Variants in EPHB1 observed in about 807,000 individuals in gnomAD.
EPHB1 encodes the protein ephrin type-B receptor 1.
EPHB1 carries 30 observed loss-of-function variants against 94.4 expected under a neutral mutation model. That is an observed-to-expected ratio of 0.32 (90% CI 0.24 to 0.43). The LOEUF (loss-of-function observed/expected upper bound fraction) is 0.43. Ranked by LOEUF, EPHB1 falls within the 20% of genes least tolerant of loss-of-function variation. EPHB1 has a pLI of 1.00. For missense variants in EPHB1, 1,055 were observed against 1,308.3 expected (o/e 0.81, Z 2.99); for synonymous variants, 522 against 489.1 (o/e 1.07, Z -0.89).
intron 3 of EPHB1, among the ~76,000 whole-genome samples, chr3:135,081,039 C>T (rs529565296): frequency 6.6e-6 from 1 of 152,266 alleles, no homozygotes; most frequent in East Asian, 1.9e-4. Flanking sequence ...AGACAGGCAT[C>T]CTCTATTGCA....
chr3:135,124,281 C>T (rs891948222), intron 4 of EPHB1, among the ~76,000 whole-genome samples: 2 of 151,710 alleles, frequency 1.3e-5, no homozygotes, highest in Non-Finnish European at 2.9e-5. Context: ...TCTGAGAGAG[C>T]TCCCCTCACC....
intron 10 of EPHB1, among the ~76,000 whole-genome samples, chr3:135,185,212 T>A (rs875370): frequency 0.39 from 58,693 of 152,048 alleles, 11,404 homozygotes; most frequent in Middle Eastern, 0.49. Context: ...GATGAGGGAA[T>A]GTGTGATATG....
At chr3:134,827,472 T>C (rs2036505476) in intron 1 of EPHB1, among the ~76,000 whole-genome samples, 1 of 152,246 alleles carries the variant, frequency 6.6e-6, no homozygotes, top group African/African-American at 2.4e-5. Flanking sequence ...TAAGATGCTA[T>C]TGGGACTGTT....
chr3:134,947,139 G>A (rs1432104732), intron 2 of EPHB1, among the ~76,000 whole-genome samples: 1 of 152,102 alleles, frequency 6.6e-6, no homozygotes, highest in Non-Finnish European at 1.5e-5. Flanking sequence ...AGTGGCTAAT[G>A]GCGCCTGGCA....
chr3:135,252,550 A>T (rs74399098), intron 15 of EPHB1, among the ~76,000 whole-genome samples: 1 of 148,926 alleles, frequency 6.7e-6, no homozygotes, highest in African/African-American at 2.5e-5. Flanking sequence ...TGAACTCATC[A>T]TTTTTTATGG....
chr3:135,059,781 A>G (rs1937442832), intron 3 of EPHB1, among the ~76,000 whole-genome samples: 1 of 152,160 alleles, frequency 6.6e-6, no homozygotes, highest in Non-Finnish European at 1.5e-5. Context: ...AGACACCCAG[A>G]GGTTGGAGAT....
At chr3:134,978,024 A>T (rs1427880789) in intron 3 of EPHB1, 2 of 455,212 alleles carry the variant, frequency 4.4e-6, no homozygotes, top group Non-Finnish European at 8.8e-6. Context: ...GGAGCCTGGT[A>T]TTTCTGCCAC....
chr3:135,210,358 G>A (rs1480188298), intron 12 of EPHB1, among the ~76,000 whole-genome samples: 1 of 152,168 alleles, frequency 6.6e-6, no homozygotes, highest in Admixed American at 6.5e-5. Context: ...ATAGGGAGCT[G>A]AATATGTGGG....
Position 135,150,160 on chromosome 3 carries a change from G to A in EPHB1, c.1298-3992G>A, listed in dbSNP as rs146878971. 2.1e-3 allele frequency among the ~76,000 whole-genome samples: 325 copies of A among 152,312 alleles called. 1 individual carries two copies. The highest frequency in any genetic ancestry group is 7.4e-3 in the African/African-American group (309 of 41,560). ...GCCCGGCAAAATCCTCAGGCCATTA[G>A]CATTGATCTTTCCATTTTTTAAATA... On this transcript the variant is annotated intron_variant, in intron 5 of 15. Transcript: ENST00000398015.
chr3:135,223,159 C>G (rs868258723), intron 12 of EPHB1, among the ~76,000 whole-genome samples: 7 of 152,296 alleles, frequency 4.6e-5, no homozygotes, highest in African/African-American at 1.2e-4. Flanking sequence ...AGAACATATA[C>G]TTGAATCAAA....
In EPHB1 at chr3:134,795,324, T is replaced by A. The variant is rs1026629398; in HGVS notation, c.-308T>A. 2.1e-6 allele frequency: 1 copy of A among 473,852 alleles called. No individual in the cohort carries two copies. Among genetic ancestry groups the A allele is most frequent in the Non-Finnish European group, 3.7e-6 (1 of 269,026 alleles). 29.4% of individuals were successfully genotyped at this position (473,852 alleles called of 1,614,324 possible). A position where few individuals can be genotyped will look rare whatever the true frequency, so the allele number is the denominator to read the frequency against. ...CTAGCAATGTGACACCAGGACGCAC[T>A]CGCTCTCGCGCGCTCTCCCAGGCTC... On this transcript the variant is annotated 5_prime_UTR_variant, in exon 1 of 16. Coordinates refer to ENST00000398015, the MANE Select transcript of EPHB1 (RefSeq NM_004441.5).
chr3:135,252,972 G>A (rs1337003966), intron 15 of EPHB1, among the ~76,000 whole-genome samples: 15 of 150,454 alleles, frequency 1.0e-4, no homozygotes, highest in East Asian at 9.9e-4. Flanking sequence ...GCCAGTGATG[G>A]TGAGCATTTT....
At chr3:135,088,486 T>TC (rs1938439794) in intron 3 of EPHB1, among the ~76,000 whole-genome samples, 1 of 152,228 alleles carries the variant, frequency 6.6e-6, no homozygotes, top group Non-Finnish European at 1.5e-5. Context: ...GGGTTTTTTT[T>TC]CTCATGTAAA....
chr3:135,194,011 A>G (rs1231782356), intron 11 of EPHB1, among the ~76,000 whole-genome samples: 1 of 152,182 alleles, frequency 6.6e-6, no homozygotes, highest in Admixed American at 6.5e-5. Flanking sequence ...CCATCTTTCT[A>G]GGTGGCCTGC....
At chr3:134,913,269 T>G (rs1383028981) in intron 1 of EPHB1, among the ~76,000 whole-genome samples, 1 of 151,264 alleles carries the variant, frequency 6.6e-6, no homozygotes, top group Non-Finnish European at 1.5e-5. Flanking sequence ...ATGGGAGGGG[T>G]GAGGGGGGAG....
At position 135,248,256 on chromosome 3, in the gene EPHB1, T is replaced by C. The variant is rs898138105; in HGVS notation, c.2497-60T>C. Reference sequence around the variant, plus strand: ...GAGGCTCCATATAAAGGGGATAATTTGTGAGTGACTGGCTGGTGGCAGTCA... The same window carrying C: ...GAGGCTCCATATAAAGGGGATAATTCGTGAGTGACTGGCTGGTGGCAGTCA... On this transcript the variant is annotated intron_variant, in intron 13 of 15. Coordinates refer to ENST00000398015, the MANE Select transcript of EPHB1 (RefSeq NM_004441.5). The C allele has an allele frequency of 6.2e-6, 9 of 1,446,548 alleles. No individual in the cohort carries two copies. In the African/African-American group the frequency reaches 1.3e-4, roughly 20 times the overall value. The allele number at this position is 1,446,548 out of a possible 1,614,324, so 89.6% of individuals were successfully genotyped here.
At chr3:135,160,963 A>G (rs1230142574) in intron 6 of EPHB1, among the ~76,000 whole-genome samples, 2 of 152,208 alleles carry the variant, frequency 1.3e-5, no homozygotes, top group Non-Finnish European at 2.9e-5. Context: ...AATTGACTTC[A>G]TTATGAAGGA....
chr3:135,246,083 T>TCTG (rs1553752922), intron 13 of EPHB1, among the ~76,000 whole-genome samples: 2 of 152,104 alleles, frequency 1.3e-5, no homozygotes, highest in African/African-American at 2.4e-5. Flanking sequence ...AAAATTAGTA[T>TCTG]CTGGGGCTCT....
chr3:135,154,564 T>C (rs1448931675), intron 6 of EPHB1, among the ~76,000 whole-genome samples: 1 of 152,184 alleles, frequency 6.6e-6, no homozygotes, highest in Non-Finnish European at 1.5e-5. Flanking sequence ...AGTCACATGT[T>C]TGATATACTA....
Sources: gnomAD v4.1 joint callset for allele counts (sites outside exome capture counted in the v4.1 genomes callset) on GRCh38, gnomAD v4.1.1 for gene constraint, MANE v1.5 for transcripts, NCBI Gene and HGNC (gene_info 2026-07-23, HGNC 2026-07-21) for gene names.